Variants in PLSCR1 observed in about 807,000 individuals in gnomAD.
PLSCR1 encodes phospholipid scramblase 1.
Under a neutral mutation model 37.8 loss-of-function variants are expected in PLSCR1, and 17 were observed. The ratio of observed to expected loss-of-function variants is 0.45; its 90% CI spans 0.31 to 0.68. The LOEUF (loss-of-function observed/expected upper bound fraction) is 0.68, where lower values mean the gene tolerates loss of function less well. Ranked by LOEUF, PLSCR1 falls within the 30% of genes least tolerant of loss-of-function variation. The probability of loss-of-function intolerance (pLI) is 0.06; values close to 1 mark genes in which losing one functional copy is unlikely to be tolerated. For missense variants in PLSCR1, 347 were observed against 380.9 expected (o/e 0.91, Z 0.74); for synonymous variants, 116 against 125.9 (o/e 0.92, Z 0.53).
At chr3:146,539,479 G>C (rs777585949) in intron 1 of PLSCR1, among the ~76,000 whole-genome samples, 1 of 152,180 alleles carries the variant, frequency 6.6e-6, no homozygotes, top group Non-Finnish European at 1.5e-5. Context: ...GTTAAGAATA[G>C]GTGGAGGATC....
intron 7 of PLSCR1, 191 bp from the exon 8 acceptor site, chr3:146,517,358 A>AT (rs2043962231): frequency 3.2e-6 from 1 of 315,584 alleles, no homozygotes; most frequent in African/African-American, 2.1e-5. Context: ...CGGAGAAATT[A>AT]TATTTCAGAA....
intron 1 of PLSCR1, among the ~76,000 whole-genome samples, chr3:146,542,229 C>T (rs1344659239): frequency 2.6e-5 from 4 of 152,106 alleles, no homozygotes; most frequent in Non-Finnish European, 5.9e-5. Flanking sequence ...GAGCCAAGTT[C>T]CCTCCAGCCC....
At chr3:146,527,307 T>G (rs1389702559) in intron 4 of PLSCR1, among the ~76,000 whole-genome samples, 2 of 152,196 alleles carry the variant, frequency 1.3e-5, no homozygotes, top group African/African-American at 4.8e-5. Context: ...ATTTATTGTA[T>G]ATTTTCAAAT....
intron 4 of PLSCR1, chr3:146,527,817 T>G (rs1422986135): frequency 2.0e-5 from 3 of 152,200 alleles, no homozygotes; most frequent in Non-Finnish European, 4.4e-5. Flanking sequence ...ACAAGAATAT[T>G]TGTATGTGTA....
At chr3:146,524,374 A>C (rs13079901) in intron 5 of PLSCR1, among the ~76,000 whole-genome samples, 1 of 152,042 alleles carries the variant, frequency 6.6e-6, no homozygotes, top group Non-Finnish European at 1.5e-5. Flanking sequence ...AGTAATCTTC[A>C]TCTTTTTTAT....
intron 5 of PLSCR1, among the ~76,000 whole-genome samples, chr3:146,523,646 G>A (rs974031596): frequency 5.9e-5 from 9 of 152,194 alleles, no homozygotes; most frequent in East Asian, 1.9e-4. Flanking sequence ...TTAGACAAAC[G>A]TGTTCGGCAA....
chr3:146,526,728 G>A (rs1297721345), intron 4 of PLSCR1, among the ~76,000 whole-genome samples: 1 of 152,110 alleles, frequency 6.6e-6, no homozygotes, highest in Non-Finnish European at 1.5e-5. Flanking sequence ...TCCTGTCATT[G>A]GCAGCAACAT....
At chr3:146,543,312 A>G (rs1328169431) in intron 1 of PLSCR1, among the ~76,000 whole-genome samples, 1 of 152,220 alleles carries the variant, frequency 6.6e-6, no homozygotes, top group African/African-American at 2.4e-5. Context: ...TTTGATCTAT[A>G]AACCAGCTAT....
In PLSCR1 at chr3:146,521,566, C is replaced by T. The variant is rs750134154; in HGVS notation, c.716G>A (p.Cys239Tyr). Residue 239 changes from cysteine (C) to tyrosine (Y), a missense_variant, in exon 7 of 9, where the codon TGT becomes TAT. By Grantham distance (194) the Cys-to-Tyr change is radical. Coordinates refer to ENST00000342435, the MANE Select transcript of PLSCR1 (RefSeq NM_021105.3). ...KISGPCVVCS[C>Y]CGDVDFEIKS... The stretch of plus-strand genomic sequence containing the variant: ...TACCTCAAAATCAACATCTCCACAA[C>T]AGCTGCACACAACACATGGACCACT... The T allele has an allele frequency of 2.5e-6, 4 of 1,613,756 alleles. No homozygotes were observed. The highest frequency in any genetic ancestry group is 3.4e-6 in the Non-Finnish European group (4 of 1,179,840).
At chr3:146,542,290 C>G (rs2044347026) in intron 1 of PLSCR1, among the ~76,000 whole-genome samples, 2 of 152,100 alleles carry the variant, frequency 1.3e-5, no homozygotes, top group African/African-American at 4.8e-5. Flanking sequence ...TCCACCAACC[C>G]ACTCACCCAC....
Position 146,515,987 on chromosome 3 carries a change from A to T in PLSCR1, c.*58T>A. On this transcript the variant is annotated 3_prime_UTR_variant, in exon 9 of 9. Coordinates refer to ENST00000342435, the MANE Select transcript of PLSCR1 (RefSeq NM_021105.3). The stretch of plus-strand genomic sequence containing the variant: ...GCTTAATTCATACAGGTATGAGTTT[A>T]GATAGTCTCAATCAATATACAGACT... 2.8e-6 allele frequency: 3 copies of T among 1,056,166 alleles called. No individual in the cohort carries two copies. The highest frequency in any genetic ancestry group is 4.4e-6 in the Non-Finnish European group (3 of 677,064). The allele number at this position is 1,056,166 out of a possible 1,614,324, so 65.4% of individuals were successfully genotyped here.
At chr3:146,523,592 C>T (rs1015273862) in intron 5 of PLSCR1, among the ~76,000 whole-genome samples, 3 of 152,162 alleles carry the variant, frequency 2.0e-5, no homozygotes, top group African/African-American at 7.2e-5. Flanking sequence ...CCAGGGCATC[C>T]TTATTCAACT....
chr3:146,528,796 C>G lies in PLSCR1; in HGVS notation c.130G>C (p.Val44Leu). The G allele has an allele frequency of 1.9e-6, 3 of 1,613,882 alleles. No homozygotes were observed. The highest frequency in any genetic ancestry group is 2.5e-6 in the Non-Finnish European group (3 of 1,179,948). ...PGYSGYPGPQ[V>L]SYPPPPAGHS... ...CCGGCTGGTGGGGGTGGGTAGCTGA[C>G]CTGGGGCCCAGGGTAGCCACTATAT... The change falls in exon 4 of 9, where the codon GTC becomes CTC. Residue 44 changes from valine to leucine, a missense_variant. Transcript: ENST00000342435.
intron 1 of PLSCR1, among the ~76,000 whole-genome samples, chr3:146,539,801 C>T (rs1309052485): frequency 6.6e-6 from 1 of 152,152 alleles, no homozygotes; most frequent in African/African-American, 2.4e-5. Flanking sequence ...TATATAATAT[C>T]TCAAGCATTG....
Position 146,528,819 on chromosome 3 carries a change from T to C in PLSCR1, c.107A>G (p.Tyr36Cys). 6.2e-7 allele frequency: 1 copy of C among 1,612,358 alleles called. No homozygotes were observed. Among genetic ancestry groups the C allele is most frequent in the Non-Finnish European group, 8.5e-7 (1 of 1,179,284 alleles). Residue 36 changes from tyrosine (Y) to cysteine (C), a missense_variant, in exon 4 of 9, where the codon TAT becomes TGT. Tyr to Cys is a radical substitution (Grantham distance 194). Transcript: ENST00000342435. ...PPTAFQGPPG[Y>C]SGYPGPQVSY... ...GACCTGGGGCCCAGGGTAGCCACTA[T>C]ATCCTGGAGGTCCTGAAATACAAAC...
rs1038170430 is a variant in PLSCR1, at chr3:146,540,144, C to T, written c.-13-3579G>A. Among the ~76,000 whole-genome samples the T allele has an allele frequency of 3.9e-5, 6 of 152,128 alleles. No homozygotes were observed. The East Asian group carries it at 7.7e-4, about 20-fold the overall frequency. On this transcript the variant is annotated intron_variant, in intron 1 of 8. Coordinates refer to ENST00000342435, the MANE Select transcript of PLSCR1 (RefSeq NM_021105.3). ...AATACTCAGAGAAAGGGAAAATCAT[C>T]TTTATGCTGTACCAAAAAATGTAAT... is the stretch of plus-strand genomic sequence containing the variant.
Position 146,515,319 on chromosome 3 carries a change from A to C in PLSCR1, c.*726T>G, listed in dbSNP as rs1433063000. 11 of 152,204 alleles carry C rather than the reference A, an allele frequency of 7.2e-5. No individual in the cohort carries two copies. Among genetic ancestry groups the C allele is most frequent in the Admixed American group, 7.2e-4 (11 of 15,274 alleles). The allele number at this position is 152,204 out of a possible 1,614,324, so 9.4% of individuals were successfully genotyped here. A position where few individuals can be genotyped will look rare whatever the true frequency, so the allele number is the denominator to read the frequency against. ...AATTACCATTTTCTAGGAAGGATAG[A>C]GTGTAAGAGCTAAACATTTCATGTA... On this transcript the variant is annotated 3_prime_UTR_variant, in exon 9 of 9. Transcript: ENST00000342435.
chr3:146,521,000 T>G (rs901375233), intron 7 of PLSCR1, among the ~76,000 whole-genome samples: 3 of 152,254 alleles, frequency 2.0e-5, no homozygotes, highest in African/African-American at 7.2e-5. Flanking sequence ...TATTAATATG[T>G]TGCAGCTTCT....
chr3:146,541,222 A>G (rs2044334482), intron 1 of PLSCR1: 1 of 152,226 alleles, frequency 6.6e-6, no homozygotes. Flanking sequence ...AGTTTAGGAT[A>G]GCCTTTTATA....
Sources: gnomAD v4.1 joint callset for allele counts (sites outside exome capture counted in the v4.1 genomes callset) on GRCh38, gnomAD v4.1.1 for gene constraint, MANE v1.5 for transcripts, NCBI Gene and HGNC (gene_info 2026-07-23, HGNC 2026-07-21) for gene names.